The following GRIP1 variants were observed in gnomAD, a reference collection of about 807,000 sequenced individuals.
GRIP1 encodes the protein glutamate receptor-interacting protein 1.
GRIP1 carries 45 observed loss-of-function variants against 129.9 expected under a neutral mutation model. The observed-to-expected ratio is 0.35, with a 90% CI of 0.27 to 0.44. The LOEUF (loss-of-function observed/expected upper bound fraction) is 0.44. Ranked by LOEUF, GRIP1 falls within the 20% of genes least tolerant of loss-of-function variation. The pLI, the probability that GRIP1 is intolerant of heterozygous loss-of-function variation, is 1.00. For synonymous variants in GRIP1, 530 were observed against 520.8 expected, an observed-to-expected ratio of 1.02 and a Z score of -0.24; for missense variants, 1,196 against 1,396.8, an observed-to-expected ratio of 0.86 and a Z score of 2.29.
At chr12:67,003,960 C>A (rs1225502002) in intron 1 of GRIP1, among the ~76,000 whole-genome samples, 1 of 152,132 alleles carries the variant, frequency 6.6e-6, no homozygotes, top group Admixed American at 6.5e-5. Context: ...TCTTTCAGCT[C>A]CTAGTAGCTG....
chr12:66,550,263 G>A (rs763908997), intron 2 of GRIP1, among the ~76,000 whole-genome samples: 1 of 152,036 alleles, frequency 6.6e-6, no homozygotes, highest in African/African-American at 2.4e-5. Context: ...ACAGAATGTG[G>A]TGAAATTAAG....
chr12:67,008,031 C>T (rs1474408432), intron 1 of GRIP1, among the ~76,000 whole-genome samples: 1 of 152,166 alleles, frequency 6.6e-6, no homozygotes, highest in African/African-American at 2.4e-5. Context: ...AGCATCTGCA[C>T]AGTATACTGC....
intron 1 of GRIP1, among the ~76,000 whole-genome samples, chr12:66,766,680 G>C (rs112316960): frequency 1.3e-5 from 2 of 152,022 alleles, no homozygotes; most frequent in African/African-American, 4.8e-5. Context: ...CAGTACAGGA[G>C]GTTCTCACGT....
intron 1 of GRIP1, among the ~76,000 whole-genome samples, chr12:66,996,560 C>T (rs1020551609): frequency 6.6e-6 from 1 of 152,040 alleles, no homozygotes; most frequent in Admixed American, 6.6e-5. Flanking sequence ...TGCTCCTTTG[C>T]TACACAAGGG....
intron 1 of GRIP1, among the ~76,000 whole-genome samples, chr12:66,667,639 A>T (rs1307385263): frequency 6.6e-6 from 1 of 152,194 alleles, no homozygotes; most frequent in Non-Finnish European, 1.5e-5. Context: ...GGAGACAGGC[A>T]GCAGGGTGAG....
At chr12:66,352,060 C>T (rs1214403239) in intron 24 of GRIP1, among the ~76,000 whole-genome samples, 2 of 152,194 alleles carry the variant, frequency 1.3e-5, no homozygotes, top group African/African-American at 4.8e-5. Context: ...CAATGCGCTT[C>T]TATTCTGCTG....
At chr12:66,861,561 A>C (rs2137118285) in intron 1 of GRIP1, among the ~76,000 whole-genome samples, 1 of 152,234 alleles carries the variant, frequency 6.6e-6, no homozygotes, top group Non-Finnish European at 1.5e-5. Context: ...CTGTGGGGCT[A>C]AAGGCTGAAT....
chr12:66,403,126 A>AT (rs71096100), intron 16 of GRIP1, among the ~76,000 whole-genome samples: 23,702 of 149,554 alleles, frequency 0.16, 2,016 homozygotes, highest in Middle Eastern at 0.22. Context: ...CTGAGGTCTG[A>AT]TTTTTTTTTT....
intron 6 of GRIP1, 24 bp from the exon 7 acceptor site, chr12:66,515,788 T>C: frequency 2.5e-6 from 4 of 1,608,616 alleles, no homozygotes; most frequent in Non-Finnish European, 3.4e-6. Context: ...AAAGGAATAG[T>C]CTTGATTAAT....
At chr12:67,007,269 C>T (rs965564657) in intron 1 of GRIP1, among the ~76,000 whole-genome samples, 2 of 152,126 alleles carry the variant, frequency 1.3e-5, no homozygotes, top group African/African-American at 4.8e-5. Context: ...ACACTCCGTA[C>T]CAGTGTTCAA....
intron 13 of GRIP1, among the ~76,000 whole-genome samples, chr12:66,434,703 A>C (rs2058249964): frequency 6.6e-6 from 1 of 152,260 alleles, no homozygotes; most frequent in Admixed American, 6.5e-5. Context: ...CTTTAACAAC[A>C]AAAGGCTAAT....
intron 19 of GRIP1, among the ~76,000 whole-genome samples, chr12:66,388,895 A>G (rs371370789): frequency 2.6e-5 from 4 of 152,208 alleles, no homozygotes; most frequent in Admixed American, 1.3e-4. Context: ...CACATGGTCT[A>G]TGGGCCTGAT....
intron 1 of GRIP1, among the ~76,000 whole-genome samples, chr12:66,624,959 A>G (rs2029870223): frequency 6.6e-6 from 1 of 151,936 alleles, no homozygotes; most frequent in Admixed American, 6.6e-5. Context: ...ATGAAAATCA[A>G]GGCAAGACTA....
At chr12:66,359,154 G>A (rs2054629275) in intron 23 of GRIP1, among the ~76,000 whole-genome samples, 1 of 152,196 alleles carries the variant, frequency 6.6e-6, no homozygotes, top group Non-Finnish European at 1.5e-5. Context: ...GGCTAGTTGG[G>A]AAAGTGCATC....
At chr12:66,813,505 A>C (rs900394186) in intron 1 of GRIP1, among the ~76,000 whole-genome samples, 3 of 152,210 alleles carry the variant, frequency 2.0e-5, no homozygotes, top group Non-Finnish European at 4.4e-5. Flanking sequence ...CAATGGTGAG[A>C]AGTGACAAGG....
intron 1 of GRIP1, among the ~76,000 whole-genome samples, chr12:66,894,279 C>T (rs1201456405): frequency 6.6e-6 from 1 of 152,134 alleles, no homozygotes; most frequent in Non-Finnish European, 1.5e-5. Context: ...TCCTCAGGTT[C>T]TTCAGTTTCC....
At chr12:66,521,665 G>C (rs2061008652) in intron 5 of GRIP1, among the ~76,000 whole-genome samples, 1 of 152,140 alleles carries the variant, frequency 6.6e-6, no homozygotes, top group Non-Finnish European at 1.5e-5. Context: ...CAGGACAGTG[G>C]GTGCAGCGCA....
intron 1 of GRIP1, among the ~76,000 whole-genome samples, chr12:66,916,727 G>GA (rs1442638915): frequency 6.6e-6 from 1 of 150,752 alleles, no homozygotes; most frequent in African/African-American, 2.4e-5. Context: ...GGCACAATAA[G>GA]AAAAAAACAG....
chr12:66,810,558 A>T (rs1359910295), intron 1 of GRIP1, among the ~76,000 whole-genome samples: 1 of 149,800 alleles, frequency 6.7e-6, no homozygotes, highest in Non-Finnish European at 1.5e-5. Context: ...ACCCTGTGTC[A>T]AGGAAAAAAA....
Sources: allele counts gnomAD v4.1 joint callset (sites outside exome capture counted in the v4.1 genomes callset), GRCh38; gene constraint gnomAD v4.1.1; transcripts MANE v1.5; gene names NCBI Gene and HGNC (gene_info 2026-07-23, HGNC 2026-07-21).